KCNMA1: variants seen among roughly 807,000 people sequenced by gnomAD.
The protein encoded by KCNMA1 is Calcium-activated potassium channel subunit alpha-1.
A neutral mutation model predicts 140.0 loss-of-function variants in KCNMA1; 29 were observed. That is an observed-to-expected ratio of 0.21 (90% CI 0.15 to 0.28). The LOEUF is 0.28. Among genes scored for constraint, KCNMA1 ranks in the 10% least tolerant of loss-of-function variants. KCNMA1 has a pLI of 1.00. For synonymous variants in KCNMA1, 612 were observed against 611.9 expected (o/e 1.00, Z 0.00); for missense variants, 880 against 1,602.2 (o/e 0.55, Z 7.70).
At chr10:77,299,440 C>T (rs1236922335) in intron 2 of KCNMA1, among the ~76,000 whole-genome samples, 2 of 152,174 alleles carry the variant, frequency 1.3e-5, no homozygotes, top group Admixed American at 1.3e-4. Context: ...TCCCATCTGG[C>T]CCACGCCTGC....
chr10:77,427,549 G>A (rs1425844762), intron 1 of KCNMA1, among the ~76,000 whole-genome samples: 1 of 146,246 alleles, frequency 6.8e-6, no homozygotes, highest in Non-Finnish European at 1.6e-5. Flanking sequence ...CACCTCACAA[G>A]GGCCTTCCCT....
At chr10:77,376,958 T>TACATACATACAA (rs1286892815) in intron 2 of KCNMA1, among the ~76,000 whole-genome samples, 2 of 151,858 alleles carry the variant, frequency 1.3e-5, no homozygotes, top group Middle Eastern at 3.4e-3. Flanking sequence ...AATACATACA[T>TACATACATACAA]ACATACATAC....
chr10:77,582,472 A>G (rs2076149915), intron 1 of KCNMA1, among the ~76,000 whole-genome samples: 1 of 152,264 alleles, frequency 6.6e-6, no homozygotes, highest in Non-Finnish European at 1.5e-5. Flanking sequence ...AGCGGGGCTT[A>G]AAACCTAGAT....
intron 1 of KCNMA1, among the ~76,000 whole-genome samples, chr10:77,410,738 G>GC (rs1371441704): frequency 6.6e-6 from 1 of 152,134 alleles, no homozygotes; most frequent in African/African-American, 2.4e-5. Flanking sequence ...TCCTCATGCT[G>GC]CCAGGACATT....
At chr10:76,908,250 G>T (rs1388512145) in intron 25 of KCNMA1, among the ~76,000 whole-genome samples, 2 of 152,148 alleles carry the variant, frequency 1.3e-5, no homozygotes, top group Non-Finnish European at 2.9e-5. Flanking sequence ...CAAGGAGTTT[G>T]CCCAAACTGA....
rs1187977813 is a variant in KCNMA1 at position 77,112,472 on chromosome 10, A to G, written c.885-30T>C. The G allele has an allele frequency of 3.2e-6, 5 of 1,580,100 alleles. No individual in the cohort carries two copies. In the Admixed American group the frequency reaches 8.3e-5, roughly 26 times the overall value. The stretch of plus-strand genomic sequence containing the variant: ...GCAAGAGACAACAAGCAAAATCCCC[A>G]CGTTACCAAGGGAAGGCCCTGCTGG... On this transcript the variant is annotated intron_variant, in intron 6 of 27. Transcript: ENST00000286628.
At chr10:76,896,869 A>T (rs2042741601) in intron 25 of KCNMA1, among the ~76,000 whole-genome samples, 1 of 152,118 alleles carries the variant, frequency 6.6e-6, no homozygotes, top group Non-Finnish European at 1.5e-5. Context: ...CTAAAAAAAA[A>T]ACCACTGAAT....
chr10:76,879,386 A>G (rs966853829), intron 29 of KCNMA1, among the ~76,000 whole-genome samples: 1 of 151,902 alleles, frequency 6.6e-6, no homozygotes, highest in African/African-American at 2.4e-5. Flanking sequence ...AATTAAGTTC[A>G]CTTTGATTTG....
At chr10:77,291,273 G>A (rs1207872643) in intron 2 of KCNMA1, among the ~76,000 whole-genome samples, 1 of 152,134 alleles carries the variant, frequency 6.6e-6, no homozygotes, top group Non-Finnish European at 1.5e-5. Context: ...GAGATTTCTT[G>A]TATGAAATGT....
intron 2 of KCNMA1, among the ~76,000 whole-genome samples, chr10:77,291,790 CT>C (rs1411928883): frequency 6.6e-6 from 1 of 152,092 alleles, no homozygotes; most frequent in African/African-American, 2.4e-5. Flanking sequence ...TTTACTTGGG[CT>C]GTTTATTTCA....
chr10:76,969,086 G>A (rs918215039), intron 20 of KCNMA1, among the ~76,000 whole-genome samples: 1 of 151,894 alleles, frequency 6.6e-6, no homozygotes. Context: ...TCAGGATGTC[G>A]GAGGAAAAAA....
intron 1 of KCNMA1, among the ~76,000 whole-genome samples, chr10:77,409,904 T>C (rs928820012): frequency 1.3e-5 from 2 of 152,220 alleles, no homozygotes; most frequent in Non-Finnish European, 2.9e-5. Flanking sequence ...TATTCTCTTC[T>C]ATGAACAGGG....
chr10:76,897,843 G>A (rs1454862731), intron 25 of KCNMA1, among the ~76,000 whole-genome samples: 5 of 151,386 alleles, frequency 3.3e-5, no homozygotes, highest in African/African-American at 1.2e-4. Context: ...AGATGATGAT[G>A]GAAATAAAGG....
At chr10:77,138,843 T>G (rs764596255) in intron 5 of KCNMA1, among the ~76,000 whole-genome samples, 2 of 152,194 alleles carry the variant, frequency 1.3e-5, no homozygotes, top group Non-Finnish European at 2.9e-5. Context: ...TTCTTGGGAA[T>G]GTTCTTCCCC....
intron 23 of KCNMA1, 82 bp downstream of exon 23, chr10:76,944,691 G>T: frequency 2.3e-6 from 3 of 1,328,150 alleles, no homozygotes; most frequent in Non-Finnish European, 2.2e-6. Context: ...GAGCCTCTTT[G>T]AATTACTGAG....
chr10:77,396,849 A>G (rs1259990488), intron 2 of KCNMA1, among the ~76,000 whole-genome samples: 1 of 152,086 alleles, frequency 6.6e-6, no homozygotes, highest in African/African-American at 2.4e-5. Flanking sequence ...CAGCATAGGA[A>G]TATGGGGAAA....
chr10:76,891,792 AT>A, intron 25 of KCNMA1, 73 bp from the exon 26 acceptor site: 1 of 1,270,800 alleles, frequency 7.9e-7, no homozygotes. Context: ...CGACATCCAA[AT>A]TACAACTTTT....
intron 1 of KCNMA1, among the ~76,000 whole-genome samples, chr10:77,570,628 C>A (rs2154560824): frequency 7.2e-6 from 1 of 138,460 alleles, no homozygotes; most frequent in East Asian, 2.2e-4. Context: ...GGGAGATATA[C>A]CTAATGCTAG....
chr10:77,493,603 A>C (rs2040726914), intron 1 of KCNMA1, among the ~76,000 whole-genome samples: 1 of 152,252 alleles, frequency 6.6e-6, no homozygotes, highest in Admixed American at 6.5e-5. Flanking sequence ...AGTTGCCTGC[A>C]AAAGGCCACA....
Sources: allele counts gnomAD v4.1 joint callset (sites outside exome capture counted in the v4.1 genomes callset), GRCh38; gene constraint gnomAD v4.1.1; transcripts MANE v1.5; gene names NCBI Gene and HGNC (gene_info 2026-07-23, HGNC 2026-07-21).